The following TRAPPC8 variants were observed in gnomAD, a reference collection of about 807,000 sequenced individuals.
TRAPPC8 encodes the protein general sporulation gene 1 homolog.
In TRAPPC8, 54 loss-of-function variants were observed where a neutral mutation model predicts 174.3. The observed-to-expected ratio is 0.31, with a 90% CI of 0.25 to 0.39. The LOEUF (loss-of-function observed/expected upper bound fraction) is 0.39, where lower values mean the gene tolerates loss of function less well. Ranked by LOEUF, TRAPPC8 falls within the 10% of genes least tolerant of loss-of-function variation. TRAPPC8 has a pLI of 1.00. For synonymous variants in TRAPPC8, 630 were observed against 579.9 expected (o/e 1.09, Z -1.24); for missense variants, 1,531 against 1,699.1 (o/e 0.90, Z 1.74).
rs957778282 is a variant in TRAPPC8 at position 31,852,485 on chromosome 18, T to C, written c.3522A>G (p.Glu1174=). Residue 1174 remains glutamate (E), a synonymous_variant, in exon 24 of 29, where the codon GAA becomes GAG. Coordinates refer to ENST00000283351, the MANE Select transcript of TRAPPC8 (RefSeq NM_014939.5). ...AGATGATATCTGCAAAGGTATATTT[T>C]TCAGAGGACTGTGTGGCCGCTAAAA... ...EKEEAATQSS[E]KYTFADIIFG... 6.2e-7 allele frequency: 1 copy of C among 1,614,216 alleles called. No homozygotes were observed.
At chr18:31,914,508 T>C (rs1196777361) in intron 4 of TRAPPC8, among the ~76,000 whole-genome samples, 1 of 152,240 alleles carries the variant, frequency 6.6e-6, no homozygotes, top group Non-Finnish European at 1.5e-5. Context: ...AATAGTCATT[T>C]CAAATTTTTT....
In TRAPPC8 at chr18:31,849,596, C is replaced by T. The variant is rs1055575474; in HGVS notation, c.3705G>A (p.Glu1235=). The T allele has an allele frequency of 5.6e-6, 9 of 1,609,578 alleles. No individual in the cohort carries two copies. The highest frequency in any genetic ancestry group is 7.6e-6 in the Non-Finnish European group (9 of 1,178,314). The part of the protein sequence containing the change: ...DAVRLIQKCS[E]VDLNIVILWK... ...ATAATATGACAATATTCAAATCTAC[C>T]TCACTGCATTTTTGAATCAATCTCA... The change falls in exon 25 of 29, where the codon GAG becomes GAA. Residue 1235 remains glutamate (E), a synonymous_variant. Coordinates refer to ENST00000283351, the MANE Select transcript of TRAPPC8 (RefSeq NM_014939.5).
chr18:31,898,950 G>A (rs1195957678), intron 10 of TRAPPC8, among the ~76,000 whole-genome samples: 1 of 151,990 alleles, frequency 6.6e-6, no homozygotes, highest in East Asian at 1.9e-4. Flanking sequence ...ATTTACTTTG[G>A]AAACCCATTC....
chr18:31,858,658 T>C (rs2034161119), intron 19 of TRAPPC8, among the ~76,000 whole-genome samples: 2 of 152,288 alleles, frequency 1.3e-5, no homozygotes, highest in African/African-American at 2.4e-5. Context: ...CACACACTTC[T>C]AAAAAAAATT....
chr18:31,937,905 G>A (rs1397962462), intron 1 of TRAPPC8, among the ~76,000 whole-genome samples: 3 of 152,026 alleles, frequency 2.0e-5, no homozygotes, highest in Admixed American at 6.6e-5. Flanking sequence ...GTTTCGCCAC[G>A]TTAGCCACGC....
chr18:31,932,453 C>A (rs183620506), intron 1 of TRAPPC8, among the ~76,000 whole-genome samples: 268 of 150,860 alleles, frequency 1.8e-3, no homozygotes, highest in African/African-American at 6.1e-3. Context: ...ACAACAACAA[C>A]AAAAAAACAA....
intron 1 of TRAPPC8, 88 bp downstream of exon 1, chr18:31,942,520 T>C (rs2038391865): frequency 1.8e-5 from 26 of 1,408,078 alleles, no homozygotes; most frequent in Non-Finnish European, 2.4e-5. Context: ...ACGTAAACAC[T>C]GCCCTTCTCT....
chr18:31,901,944 C>G (rs1008239870), intron 9 of TRAPPC8, among the ~76,000 whole-genome samples: 3 of 152,192 alleles, frequency 2.0e-5, no homozygotes, highest in Non-Finnish European at 4.4e-5. Context: ...TTTTAATCTT[C>G]TGTTTTCTAG....
chr18:31,936,238 C>T (rs1387147749), intron 1 of TRAPPC8, among the ~76,000 whole-genome samples: 1 of 151,104 alleles, frequency 6.6e-6, no homozygotes, highest in African/African-American at 2.4e-5. Context: ...GCTGGCAGAT[C>T]GCTTGAGTCC....
chr18:31,849,559 C>A lies in TRAPPC8; in HGVS notation c.3735+7G>T. The A allele has an allele frequency of 6.3e-7, 1 of 1,594,924 alleles. No homozygotes were observed. Among genetic ancestry groups the A allele is most frequent in the Non-Finnish European group, 8.5e-7 (1 of 1,170,658 alleles). On this transcript the variant is annotated splice_region_variant and intron_variant, in intron 25 of 28. Transcript: ENST00000283351. The stretch of plus-strand genomic sequence containing the variant: ...GAGGCTTGCTGAAATAATTTAGTAG[C>A]ACATACCTTCCATAATATGACAATA...
At chr18:31,849,901 T>C (rs1252809589) in intron 24 of TRAPPC8, among the ~76,000 whole-genome samples, 162 bp from the exon 25 acceptor site, 1 of 152,188 alleles carries the variant, frequency 6.6e-6, no homozygotes, top group African/African-American at 2.4e-5. Flanking sequence ...TCAATGTAGT[T>C]GAATACAGGG....
At chr18:31,911,532 A>C (rs951954290) in intron 5 of TRAPPC8, among the ~76,000 whole-genome samples, 3 of 151,826 alleles carry the variant, frequency 2.0e-5, no homozygotes, top group African/African-American at 7.3e-5. Context: ...TGAGGTCAGG[A>C]GTTCGAGACC....
intron 2 of TRAPPC8, among the ~76,000 whole-genome samples, chr18:31,927,946 G>C (rs1022444610): frequency 6.6e-5 from 10 of 151,944 alleles, no homozygotes; most frequent in South Asian, 2.1e-4. Flanking sequence ...CTTGAGGTCA[G>C]GAGTTTTAGA....
At position 31,845,266 on chromosome 18, in the gene TRAPPC8, G is replaced by A. The variant is rs544721771; in HGVS notation, c.3837+1450C>T. The A allele has an allele frequency of 6.6e-5, 10 of 151,992 alleles. No individual in the cohort carries two copies. The South Asian group carries it at 2.1e-3, about 32-fold the overall frequency. The allele number at this position is 151,992 out of a possible 1,614,324, so 9.4% of individuals were successfully genotyped here. A position where few individuals can be genotyped will look rare whatever the true frequency, so the allele number is the denominator to read the frequency against. Reference sequence around the variant, plus strand: ...TCAATGTCATGATCAACAAATAAAGGCTAAGTAACTGTTTCAGATTAAAAG... The same window carrying A: ...TCAATGTCATGATCAACAAATAAAGACTAAGTAACTGTTTCAGATTAAAAG... On this transcript the variant is annotated intron_variant, in intron 26 of 28. Transcript: ENST00000283351.
chr18:31,895,775 T>C (rs2036159075), intron 11 of TRAPPC8: 1 of 152,232 alleles, frequency 6.6e-6, no homozygotes, highest in Non-Finnish European at 1.5e-5. Context: ...TAATAGAGAA[T>C]ATCAAAATAC....
intron 16 of TRAPPC8, 73 bp downstream of exon 16, chr18:31,870,298 TA>T: frequency 7.2e-7 from 1 of 1,379,766 alleles, no homozygotes. Context: ...CTGAACAGAG[TA>T]CATTGAAATG....
At position 31,908,856 on chromosome 18, in the gene TRAPPC8, T is replaced by C; in HGVS notation, c.1020A>G (p.Leu340=). The stretch of plus-strand genomic sequence containing the variant: ...GAATTCTATCATGATCAGTAAGTGT[T>C]AAACATGCACCATGAATTATTCCAG... ...GNTGIIHGAC[L]TLTDHDRIRQ... The change falls in exon 7 of 29, where the codon TTA becomes TTG. Residue 340 remains leucine, a synonymous_variant. Coordinates refer to ENST00000283351, the MANE Select transcript of TRAPPC8 (RefSeq NM_014939.5). 6.2e-7 allele frequency: 1 copy of C among 1,613,886 alleles called. No individual in the cohort carries two copies. Among genetic ancestry groups the C allele is most frequent in the Non-Finnish European group, 8.5e-7 (1 of 1,179,836 alleles).
At chr18:31,895,687 T>G (rs962904019) in intron 11 of TRAPPC8, 26 of 152,210 alleles carry the variant, frequency 1.7e-4, no homozygotes, top group African/African-American at 5.5e-4. Flanking sequence ...GAACCATAAA[T>G]TCTTTTTACA....
chr18:31,839,972 C>T (rs977459431), intron 26 of TRAPPC8, among the ~76,000 whole-genome samples: 30 of 152,186 alleles, frequency 2.0e-4, no homozygotes, highest in African/African-American at 7.2e-4. Flanking sequence ...GCTTCAACTA[C>T]ACTAGCTAAA....
Sources: allele counts gnomAD v4.1 joint callset (sites outside exome capture counted in the v4.1 genomes callset), GRCh38; gene constraint gnomAD v4.1.1; transcripts MANE v1.5; gene names NCBI Gene and HGNC (gene_info 2026-07-23, HGNC 2026-07-21).